Variants in VWA8 observed in about 807,000 individuals in gnomAD.
VWA8 encodes von Willebrand factor A domain containing 8.
In VWA8, 221 loss-of-function variants were observed where a neutral mutation model predicts 241.5. The observed-to-expected ratio is 0.91, with a 90% confidence interval of 0.82 to 1.02. The LOEUF is 1.02. VWA8 is among the 50% of genes least tolerant of loss of function. VWA8 has a pLI of 0.00. For synonymous variants in VWA8, 852 were observed against 827.1 expected (o/e 1.03, Z -0.52); for missense variants, 2,322 against 2,328.7 (o/e 1.00, Z 0.06).
chr13:41,727,168 ATTG>A, intron 24 of VWA8, 23 bp downstream of exon 24: 1 of 1,498,890 alleles, frequency 6.7e-7, no homozygotes, highest in Non-Finnish European at 9.0e-7. Flanking sequence ...TGCTATTGGT[ATTG>A]TTATTATCAT....
rs368230401 is a variant in VWA8, at chr13:41,691,292, C to T, written c.3866+28G>A. 3.4e-4 allele frequency: 550 copies of T among 1,607,872 alleles called. 8 individuals are homozygous for T. The South Asian group carries it at 4.9e-3, about 14-fold the overall frequency. On this transcript the variant is annotated intron_variant, in intron 32 of 44. Transcript: ENST00000379310. Reference sequence around the variant, plus strand: ...AAATAAGATTGAGCTACAACATACTCCATGATACACTATATAAAGCCACTC... The same window carrying T: ...AAATAAGATTGAGCTACAACATACTTCATGATACACTATATAAAGCCACTC...
chr13:41,658,590 A>G (rs2044925657), intron 37 of VWA8, among the ~76,000 whole-genome samples: 1 of 152,154 alleles, frequency 6.6e-6, no homozygotes, highest in East Asian at 1.9e-4. Flanking sequence ...TTTGCCAGAC[A>G]TCCAAACTAG....
intron 26 of VWA8, among the ~76,000 whole-genome samples, chr13:41,717,621 C>G (rs777527146): frequency 6.6e-6 from 1 of 151,952 alleles, no homozygotes; most frequent in African/African-American, 2.4e-5. Flanking sequence ...CCTACTCTCT[C>G]TAAGTACAAG....
At chr13:41,642,013 T>C (rs2044798751) in intron 37 of VWA8, among the ~76,000 whole-genome samples, 1 of 152,238 alleles carries the variant, frequency 6.6e-6, no homozygotes, top group Admixed American at 6.5e-5. Flanking sequence ...TTAATGCCTG[T>C]TGTCTCAGCA....
Position 41,696,846 on chromosome 13 carries a change from C to T in VWA8, c.3564+2225G>A, listed in dbSNP as rs188944846. Among the ~76,000 whole-genome samples, 87 of 152,340 alleles carry T rather than the reference C, an allele frequency of 5.7e-4. No individual in the cohort carries two copies. In the East Asian group the frequency reaches 7.9e-3, roughly 14 times the overall value. On this transcript the variant is annotated intron_variant, in intron 29 of 44. Coordinates refer to ENST00000379310, the MANE Select transcript of VWA8 (RefSeq NM_015058.2). ...TTTCAAATCATTGATTCTTCCTCAT[C>T]TCCCTGATTTCTTAATATTTTACTG...
At chr13:41,707,235 T>C (rs1017156740) in intron 26 of VWA8, among the ~76,000 whole-genome samples, 4 of 152,178 alleles carry the variant, frequency 2.6e-5, no homozygotes, top group Non-Finnish European at 5.9e-5. Flanking sequence ...ATGCAACAGA[T>C]TTGTCTAAGA....
In VWA8 at chr13:41,670,911, G is replaced by A. The variant is rs779133353; in HGVS notation, c.4611+35C>T. 7 of 1,605,474 alleles carry A rather than the reference G, an allele frequency of 4.4e-6. No individual in the cohort carries two copies. The East Asian group carries it at 8.9e-5, about 20-fold the overall frequency. On this transcript the variant is annotated intron_variant, in intron 37 of 44. Coordinates refer to ENST00000379310, the MANE Select transcript of VWA8 (RefSeq NM_015058.2). The stretch of plus-strand genomic sequence containing the variant: ...TGGAACTAAATTTATACTTGAATGT[G>A]CACCTCTAAGAGATAAGGTGAATTC...
chr13:41,807,140 G>A (rs980755145), intron 17 of VWA8, among the ~76,000 whole-genome samples: 7 of 152,008 alleles, frequency 4.6e-5, no homozygotes, highest in Non-Finnish European at 7.4e-5. Flanking sequence ...ATTGAACTAC[G>A]AAGAAATAGA....
At chr13:41,690,799 G>C (rs1314223814) in intron 32 of VWA8, among the ~76,000 whole-genome samples, 1 of 152,150 alleles carries the variant, frequency 6.6e-6, no homozygotes, top group Non-Finnish European at 1.5e-5. Flanking sequence ...AGTTGTGCAT[G>C]AGGGAAGGTG....
chr13:41,795,270 A>G (rs1344196087), intron 17 of VWA8, among the ~76,000 whole-genome samples: 2 of 152,152 alleles, frequency 1.3e-5, no homozygotes, highest in Non-Finnish European at 2.9e-5. Context: ...CCAGAAAAAT[A>G]GCAATTAGTA....
rs1212468778 is a variant in VWA8, at chr13:41,699,232, G to A, written c.3403C>T (p.Pro1135Ser). ...ATATTCATAAAGTACAGGGAAGCGG[G>A]ATTGCATGTAACTACATAGAGAGTA... ...QNTLYVVTCN[P>S]ASLYFMNMTG... The change falls in exon 29 of 45, where the codon CCC becomes TCC. Residue 1135 changes from proline to serine, a missense_variant. Transcript: ENST00000379310. The A allele has an allele frequency of 1.2e-6, 2 of 1,614,044 alleles. No homozygotes were observed. The highest frequency in any genetic ancestry group is 2.7e-5 in the African/African-American group (2 of 74,942).
At chr13:41,594,759 A>C (rs992002075) in intron 40 of VWA8, among the ~76,000 whole-genome samples, 6 of 152,242 alleles carry the variant, frequency 3.9e-5, no homozygotes, top group Admixed American at 6.5e-5. Flanking sequence ...TATCTTAAAC[A>C]ATTCAAAAAC....
rs916695324 is a variant in VWA8 at position 41,697,737 on chromosome 13, C to T, written c.3564+1334G>A. Among the ~76,000 whole-genome samples the T allele has an allele frequency of 3.9e-5, 6 of 152,164 alleles. No homozygotes were observed. In the South Asian group the frequency reaches 6.2e-4, roughly 16 times the overall value. ...TACTTGCCCACCACTTACCTCCTGCCGTGCGGCCCAGTTCCTAACAGGCCA... is the reference window on the plus strand; with the variant it reads ...TACTTGCCCACCACTTACCTCCTGCTGTGCGGCCCAGTTCCTAACAGGCCA... On this transcript the variant is annotated intron_variant, in intron 29 of 44. Transcript: ENST00000379310.
intron 43 of VWA8, among the ~76,000 whole-genome samples, chr13:41,573,749 C>T (rs911027544): frequency 2.0e-5 from 3 of 151,622 alleles, no homozygotes; most frequent in Non-Finnish European, 4.4e-5. Flanking sequence ...TCCCGGGTGG[C>T]TGGGATTGCG....
rs1474071136 is a variant in VWA8, at chr13:41,703,359, T to C, written c.3169A>G (p.Arg1057Gly). ...FMGYWTIGQARSGMQKLLCPV... is the reference protein window; with the variant it reads ...FMGYWTIGQAGSGMQKLLCPV... ...CACAAGAGTTTTTGCATCCCACTTC[T>C]TGCCTGACCAATTGTCCAGTAGCCC... The change falls in exon 27 of 45, where the codon AGA becomes GGA. Residue 1057 changes from arginine (R) to glycine (G), a missense_variant. Coordinates refer to ENST00000379310, the MANE Select transcript of VWA8 (RefSeq NM_015058.2). 4 of 1,614,132 alleles carry C rather than the reference T, an allele frequency of 2.5e-6. No homozygotes were observed. The highest frequency in any genetic ancestry group is 2.5e-6 in the Non-Finnish European group (3 of 1,179,986).
intron 21 of VWA8, among the ~76,000 whole-genome samples, chr13:41,737,190 G>A (rs1303057185): frequency 6.6e-6 from 1 of 152,212 alleles, no homozygotes; most frequent in Non-Finnish European, 1.5e-5. Context: ...ATTTTTACCA[G>A]TAAGACATAA....
intron 8 of VWA8, among the ~76,000 whole-genome samples, chr13:41,885,328 G>A (rs9562360): frequency 0.088 from 13,361 of 152,196 alleles, 711 homozygotes; most frequent in African/African-American, 0.15. Flanking sequence ...AGACATGACC[G>A]CCATGCCCTT....
chr13:41,836,513 ATTTTT>A (rs546725815), intron 12 of VWA8, among the ~76,000 whole-genome samples: 2 of 149,994 alleles, frequency 1.3e-5, no homozygotes, highest in African/African-American at 4.9e-5. Context: ...AACTGGTAAC[ATTTTT>A]TTTTTAATTT....
chr13:41,908,580 T>A, intron 3 of VWA8, among the ~76,000 whole-genome samples: 5 of 140,652 alleles, frequency 3.6e-5, no homozygotes, highest in Admixed American at 1.4e-4. Context: ...AGGAAGGAGG[T>A]GATGAAAAAG....
Sources: gnomAD v4.1 joint callset for allele counts (sites outside exome capture counted in the v4.1 genomes callset) on GRCh38, gnomAD v4.1.1 for gene constraint, MANE v1.5 for transcripts, NCBI Gene and HGNC (gene_info 2026-07-23, HGNC 2026-07-21) for gene names.